RASA1: variants seen among roughly 807,000 people sequenced by gnomAD.
RASA1 encodes RAS p21 protein activator 1.
Under a neutral mutation model 132.2 loss-of-function variants are expected in RASA1, and 25 were observed. That is an observed-to-expected ratio of 0.19 (90% CI 0.14 to 0.26). The LOEUF (loss-of-function observed/expected upper bound fraction) is 0.26, where lower values mean the gene tolerates loss of function less well. Ranked by LOEUF, RASA1 falls within the 10% of genes least tolerant of loss-of-function variation. The pLI is 1.00. For synonymous variants in RASA1, 477 were observed against 449.9 expected (o/e 1.06, Z -0.76); for missense variants, 964 against 1,299.2 (o/e 0.74, Z 3.97).
chr5:87,280,563 T>G (rs1580192721), intron 1 of RASA1, among the ~76,000 whole-genome samples: 1 of 152,150 alleles, frequency 6.6e-6, no homozygotes, highest in East Asian at 1.9e-4. Context: ...TCCACCTGCC[T>G]CAGCCTCCCA....
intron 22 of RASA1, among the ~76,000 whole-genome samples, chr5:87,385,758 ATT>A (rs1429347817): frequency 6.6e-6 from 1 of 152,034 alleles, no homozygotes; most frequent in Non-Finnish European, 1.5e-5. Flanking sequence ...CCTACACTTA[ATT>A]GTACTATCTA....
rs147204026 is a variant in RASA1, at chr5:87,275,354, A to T, written c.539+6364A>T. ...TGCATAATAAAGCACTCCAAAACAT[A>T]GTGGCTAAAACAATTGTGTATTTGC... On this transcript the variant is annotated intron_variant, in intron 1 of 24. Coordinates refer to ENST00000274376, the MANE Select transcript of RASA1 (RefSeq NM_002890.3). Among the ~76,000 whole-genome samples, 1,206 of 152,328 alleles carry T rather than the reference A, an allele frequency of 7.9e-3. 15 individuals are homozygous for T. Among genetic ancestry groups the T allele is most frequent in the African/African-American group, 0.028 (1,157 of 41,566 alleles).
chr5:87,302,365 G>T (rs1036821799), intron 1 of RASA1, among the ~76,000 whole-genome samples: 1 of 151,812 alleles, frequency 6.6e-6, no homozygotes, highest in African/African-American at 2.4e-5. Flanking sequence ...AGAGGTTATA[G>T]TTCAAGTCTT....
At chr5:87,370,027 T>A (rs1580371110) in intron 12 of RASA1, 127 bp downstream of exon 12, 1 of 822,978 alleles carries the variant, frequency 1.2e-6, no homozygotes, top group Non-Finnish European at 2.0e-6. Context: ...TCATCTCTTA[T>A]TTTAAGGAAT....
intron 1 of RASA1, among the ~76,000 whole-genome samples, chr5:87,325,053 A>G (rs1240874027): frequency 6.6e-6 from 1 of 152,154 alleles, no homozygotes; most frequent in African/African-American, 2.4e-5. Context: ...AAAGAGGCTT[A>G]ATTGACTCAT....
In RASA1 at chr5:87,337,989, T is replaced by C. The variant is rs369354616; in HGVS notation, c.915T>C (p.Asp305=). The change falls in exon 5 of 25, where the codon GAT becomes GAC. Residue 305 remains aspartate (D), a synonymous_variant. Coordinates refer to ENST00000274376, the MANE Select transcript of RASA1 (RefSeq NM_002890.3). ...CTATTTTCAGTTTCTTAAAAGGAGA[T>C]ATGTTCATTGTTCATAATGAATTAG... ...DTDEISFLKG[D]MFIVHNELED... is the part of the protein sequence containing the mutation. 2 of 1,609,148 alleles carry C rather than the reference T, an allele frequency of 1.2e-6. No individual in the cohort carries two copies. Among genetic ancestry groups the C allele is most frequent in the Non-Finnish European group, 1.7e-6 (2 of 1,178,026 alleles).
intron 7 of RASA1, 58 bp from the exon 8 acceptor site, chr5:87,349,156 A>C: frequency 6.3e-7 from 1 of 1,578,362 alleles, no homozygotes. Context: ...AATACTACTT[A>C]ACATCTTTTC....
chr5:87,287,177 T>TATATATATACACACCGTATATACACACC (rs1225491058), intron 1 of RASA1, among the ~76,000 whole-genome samples: 1 of 142,248 alleles, frequency 7.0e-6, no homozygotes, highest in Non-Finnish European at 1.5e-5. Context: ...ATACACACCA[T>TATATATATACACACCGTATATACACACC]ATATATATAC....
chr5:87,365,466 G>A (rs915947060), intron 11 of RASA1, among the ~76,000 whole-genome samples: 5 of 151,978 alleles, frequency 3.3e-5, no homozygotes, highest in Admixed American at 1.3e-4. Flanking sequence ...TACCTTTTAT[G>A]TTCAAGCAGA....
intron 1 of RASA1, among the ~76,000 whole-genome samples, chr5:87,309,037 TAAAAAAGG>T (rs1277948110): frequency 6.6e-6 from 1 of 152,098 alleles, no homozygotes; most frequent in Non-Finnish European, 1.5e-5. Flanking sequence ...TACAACATAT[TAAAAAAGG>T]TACTCTTTAA....
intron 6 of RASA1, among the ~76,000 whole-genome samples, chr5:87,345,503 C>T (rs1231639826): frequency 6.6e-6 from 1 of 152,080 alleles, no homozygotes; most frequent in Non-Finnish European, 1.5e-5. Context: ...AGTATAGAAC[C>T]TCACTACTTG....
At chr5:87,272,167 T>C (rs1328909428) in intron 1 of RASA1, among the ~76,000 whole-genome samples, 1 of 151,466 alleles carries the variant, frequency 6.6e-6, no homozygotes, top group Non-Finnish European at 1.5e-5. Context: ...AAAAACACCA[T>C]GATTGAGTAC....
At chr5:87,371,534 G>T (rs1434773249) in intron 12 of RASA1, among the ~76,000 whole-genome samples, 1 of 152,022 alleles carries the variant, frequency 6.6e-6, no homozygotes, top group Non-Finnish European at 1.5e-5. Context: ...GCTGCAATTT[G>T]ATTTGAATAT....
intron 1 of RASA1, among the ~76,000 whole-genome samples, chr5:87,298,631 GT>G (rs921950364): frequency 9.2e-5 from 14 of 151,608 alleles, no homozygotes; most frequent in Admixed American, 7.2e-4. Context: ...ATTTGATAAT[GT>G]TTTTTTATTC....
rs762124422 is a variant in RASA1 at position 87,274,110 on chromosome 5, T to C, written c.539+5120T>C. Reference sequence around the variant, plus strand: ...TTGAGACTAGATTGCCAGAGCTGAGTAGCGGTTGACCCTTTTAGGTGGGTA... The same window carrying C: ...TTGAGACTAGATTGCCAGAGCTGAGCAGCGGTTGACCCTTTTAGGTGGGTA... On this transcript the variant is annotated intron_variant, in intron 1 of 24. Transcript: ENST00000274376. Among the ~76,000 whole-genome samples the C allele has an allele frequency of 2.6e-4, 40 of 152,180 alleles. 1 individual carries two copies. The highest frequency in any genetic ancestry group is 9.7e-5 in the African/African-American group (4 of 41,438).
intron 1 of RASA1, among the ~76,000 whole-genome samples, chr5:87,290,798 T>C (rs932174045): frequency 2.0e-5 from 3 of 152,210 alleles, no homozygotes; most frequent in Admixed American, 6.5e-5. Context: ...TAGGATTCAT[T>C]CTTTCTTTCC....
intron 1 of RASA1, among the ~76,000 whole-genome samples, chr5:87,322,539 C>T (rs1756903861): frequency 6.6e-6 from 1 of 152,132 alleles, no homozygotes; most frequent in African/African-American, 2.4e-5. Flanking sequence ...CCTGGCTCCT[C>T]CCCCCTTCTC....
At chr5:87,324,887 C>G (rs1757108903) in intron 1 of RASA1, among the ~76,000 whole-genome samples, 1 of 152,084 alleles carries the variant, frequency 6.6e-6, no homozygotes, top group Non-Finnish European at 1.5e-5. Context: ...AGTAAAGTCA[C>G]TTAGTATGAG....
chr5:87,343,701 C>T (rs967930549), intron 6 of RASA1, among the ~76,000 whole-genome samples: 4 of 152,084 alleles, frequency 2.6e-5, no homozygotes, highest in Non-Finnish European at 5.9e-5. Flanking sequence ...CCATATGATC[C>T]GGCAATCCCA....
Sources: allele counts gnomAD v4.1 joint callset (sites outside exome capture counted in the v4.1 genomes callset), GRCh38; gene constraint gnomAD v4.1.1; transcripts MANE v1.5; gene names NCBI Gene and HGNC (gene_info 2026-07-23, HGNC 2026-07-21).